Variants in GSE1 observed in about 807,000 individuals in gnomAD.
GSE1 encodes genetic suppressor element 1.
Under a neutral mutation model 112.6 loss-of-function variants are expected in GSE1, and 32 were observed. That is an observed-to-expected ratio of 0.28 (90% CI 0.21 to 0.38). The LOEUF (loss-of-function observed/expected upper bound fraction) is 0.38. Among genes scored for constraint, GSE1 ranks in the 10% least tolerant of loss-of-function variants. The pLI, the probability that GSE1 is intolerant of heterozygous loss-of-function variation, is 1.00. For synonymous variants in GSE1, 1,115 were observed against 735.6 expected (o/e 1.52, Z -8.35); for missense variants, 2,348 against 1,699.2 (o/e 1.38, Z -6.71).
Position 85,633,994 on chromosome 16 carries a change from A to C in GSE1, c.88A>C (p.Thr30Pro), listed in dbSNP as rs766447038. ...TRTTATVNPL[T>P]PSPLNGALVP... ...GACCACCGCCACCGTCAACCCCCTC[A>C]CCCCCTCGCCGCTCAATGGCGCCCT... Residue 30 changes from threonine to proline, a missense_variant, in exon 2 of 16, where the codon ACC becomes CCC. Physicochemically the swap from Thr to Pro is conservative, Grantham distance 38. Transcript: ENST00000253458. 7 of 1,607,762 alleles carry C rather than the reference A, an allele frequency of 4.4e-6. No homozygotes were observed. The African/African-American group carries it at 6.8e-5, about 16-fold the overall frequency.
chr16:85,316,020 G>A (rs1022145538), intron 1 of GSE1, among the ~76,000 whole-genome samples: 4 of 152,194 alleles, frequency 2.6e-5, no homozygotes, highest in Non-Finnish European at 5.9e-5. Flanking sequence ...CCGCTCCTGC[G>A]TCAGCGCTCA....
intron 2 of GSE1, among the ~76,000 whole-genome samples, chr16:85,460,684 C>T (rs1012184043): frequency 7.2e-5 from 11 of 152,330 alleles, no homozygotes; most frequent in African/African-American, 2.2e-4. Context: ...CTTGAAGAGA[C>T]GGGGGCTGTG....
chr16:85,439,283 G>A (rs2049320780), intron 2 of GSE1, among the ~76,000 whole-genome samples: 1 of 152,244 alleles, frequency 6.6e-6, no homozygotes, highest in African/African-American at 2.4e-5. Context: ...GAATGAGGGT[G>A]GTGGCCTGCC....
At position 85,674,174 on chromosome 16, in the gene GSE1, G is replaced by C. The variant is rs1015371138; in HGVS notation, c.*1635G>C. 1.3e-5 allele frequency: 2 copies of C among 151,640 alleles called. No homozygotes were observed. Among genetic ancestry groups the C allele is most frequent in the African/African-American group, 4.9e-5 (2 of 40,814 alleles). 9.4% of individuals were successfully genotyped at this position (151,640 alleles called of 1,614,324 possible). A position where few individuals can be genotyped will look rare whatever the true frequency, so the allele number is the denominator to read the frequency against. On this transcript the variant is annotated 3_prime_UTR_variant, in exon 16 of 16. Coordinates refer to ENST00000253458, the MANE Select transcript of GSE1 (RefSeq NM_014615.5). ...GCTGAGGGCAGGGTGCCTGACCTGTGTGCCGGCTGCTCACTGCTGTGACCA... is the reference window on the plus strand; with the variant it reads ...GCTGAGGGCAGGGTGCCTGACCTGTCTGCCGGCTGCTCACTGCTGTGACCA...
chr16:85,235,952 A>C (rs1316164041), intron 1 of GSE1, among the ~76,000 whole-genome samples: 1 of 148,878 alleles, frequency 6.7e-6, no homozygotes, highest in Non-Finnish European at 1.5e-5. Context: ...AGGCTGCAGC[A>C]GCCGGCGCCC....
chr16:85,384,710 T>C (rs1167047404), intron 2 of GSE1, among the ~76,000 whole-genome samples: 2 of 152,194 alleles, frequency 1.3e-5, no homozygotes, highest in Non-Finnish European at 2.9e-5. Flanking sequence ...GCCCTGTTCT[T>C]CAGGGACCTT....
intron 2 of GSE1, among the ~76,000 whole-genome samples, chr16:85,491,982 G>A (rs967774931): frequency 6.6e-5 from 10 of 152,258 alleles, no homozygotes; most frequent in African/African-American, 2.4e-4. Context: ...GTGGGCTGGG[G>A]CATCTTTCTG....
At position 85,648,736 on chromosome 16, in the gene GSE1, G is replaced by A. The variant is rs757080641; in HGVS notation, c.411G>A (p.Arg137=). 4.4e-6 allele frequency: 7 copies of A among 1,592,516 alleles called. No individual in the cohort carries two copies. The highest frequency in any genetic ancestry group is 1.7e-6 in the Non-Finnish European group (2 of 1,170,604). ...CCAAAACCGTGAATGGTGTCTGGAG[G>A]AGTGAGAGCCGGCAGGTGAGTGGGG... ...APTKTVNGVW[R]SESRQDAGSR... Residue 137 remains arginine, a synonymous_variant, in exon 3 of 16, where the codon AGG becomes AGA. Transcript: ENST00000253458.
chr16:85,313,918 CTGTG>C (rs10676246), intron 1 of GSE1, among the ~76,000 whole-genome samples: 32,259 of 149,088 alleles, frequency 0.22, 3,482 homozygotes, highest in East Asian at 0.33. Context: ...GTCTGAGCCT[CTGTG>C]TGTGTGTGTG....
At chr16:85,170,051 T>C (rs2143101630) in exon 1 of GSE1, 1 of 984,694 alleles carries the variant, frequency 1.0e-6, no homozygotes, top group Non-Finnish European at 1.2e-6. Context: ...CTGTCGGAGC[T>C]GTCGGACACC....
chr16:85,176,819 C>T (rs1412640525), intron 1 of GSE1, among the ~76,000 whole-genome samples: 3 of 152,260 alleles, frequency 2.0e-5, no homozygotes, highest in Non-Finnish European at 4.4e-5. Flanking sequence ...GTCACCCACC[C>T]ATCAGGCCAC....
At chr16:85,371,373 T>G (rs1285419323) in intron 2 of GSE1, among the ~76,000 whole-genome samples, 1 of 152,000 alleles carries the variant, frequency 6.6e-6, no homozygotes, top group African/African-American at 2.4e-5. Flanking sequence ...AAGACGGAGA[T>G]AGCAAGGAGG....
chr16:85,630,620 T>C (rs1295650953), intron 1 of GSE1, among the ~76,000 whole-genome samples: 1 of 152,218 alleles, frequency 6.6e-6, no homozygotes, highest in Non-Finnish European at 1.5e-5. Context: ...CCAGGATGAA[T>C]GTTTTTAACC....
chr16:85,471,954 C>A (rs776867583), intron 2 of GSE1, among the ~76,000 whole-genome samples: 1 of 152,246 alleles, frequency 6.6e-6, no homozygotes, highest in Non-Finnish European at 1.5e-5. Context: ...TGAGTGTTTA[C>A]ACCTTAAGGC....
exon 1 of GSE1, chr16:85,170,447 C>T (rs563430860): frequency 1.8e-5 from 18 of 985,452 alleles, no homozygotes; most frequent in South Asian, 1.4e-4. Context: ...GAGAGCAGGC[C>T]GCTGGGGGAG....
At chr16:85,444,827 C>T (rs1487361483) in intron 2 of GSE1, among the ~76,000 whole-genome samples, 2 of 152,166 alleles carry the variant, frequency 1.3e-5, no homozygotes, top group African/African-American at 4.8e-5. Context: ...CCCCCTCCAG[C>T]CTCCAAGGGA....
At chr16:85,666,705 G>C (rs1018875353) in intron 13 of GSE1, 3 of 257,970 alleles carry the variant, frequency 1.2e-5, no homozygotes, top group South Asian at 4.6e-5. Flanking sequence ...ATTTTTACCC[G>C]CATTCATTTG....
At chr16:85,206,986 C>T (rs1370575356) in intron 1 of GSE1, among the ~76,000 whole-genome samples, 1 of 152,172 alleles carries the variant, frequency 6.6e-6, no homozygotes, top group East Asian at 1.9e-4. Flanking sequence ...TTGGCTCCAG[C>T]GGTCCGGCGG....
chr16:85,654,970 C>G lies in GSE1; in HGVS notation c.776C>G (p.Pro259Arg), dbSNP rs1381239322. 4 of 1,599,976 alleles carry G rather than the reference C, an allele frequency of 2.5e-6. No homozygotes were observed. The highest frequency in any genetic ancestry group is 3.4e-6 in the Non-Finnish European group (4 of 1,174,182). Residue 259 changes from proline (P) to arginine (R), a missense_variant, in exon 5 of 16, where the codon CCC (proline) becomes CGC (arginine). Physicochemically the swap from Pro to Arg is moderately radical, Grantham distance 103. Coordinates refer to ENST00000253458, the MANE Select transcript of GSE1 (RefSeq NM_014615.5). Reference protein sequence around the residue: ...YYHPSYLAPHPFPHPAFRMDD... With the variant: ...YYHPSYLAPHRFPHPAFRMDD... ...CACCCCAGCTACCTGGCCCCACACC[C>G]CTTCCCCCACCCGGCCTTCAGGTGA...
Sources: allele counts gnomAD v4.1 joint callset (sites outside exome capture counted in the v4.1 genomes callset), GRCh38; gene constraint gnomAD v4.1.1; transcripts MANE v1.5; gene names NCBI Gene and HGNC (gene_info 2026-07-23, HGNC 2026-07-21).